The following PPP1R14C variants were observed in gnomAD, a reference collection of about 807,000 sequenced individuals.
The protein encoded by PPP1R14C is protein phosphatase 1 regulatory inhibitor subunit 14C, also known as protein phosphatase 1 regulatory subunit 14C.
Under a neutral mutation model 20.4 loss-of-function variants are expected in PPP1R14C, and 16 were observed. The observed-to-expected ratio is 0.78, with a 90% CI of 0.53 to 1.19. The LOEUF (loss-of-function observed/expected upper bound fraction) is 1.19. Ranked by LOEUF, PPP1R14C falls within the 50% of genes most tolerant of loss-of-function variation. The pLI, the probability that PPP1R14C is intolerant of heterozygous loss-of-function variation, is 0.00. For synonymous variants in PPP1R14C, 91 were observed against 91.0 expected (o/e 1.00, Z 0.00); for missense variants, 211 against 220.1 (o/e 0.96, Z 0.26).
Position 150,185,324 on chromosome 6 carries a change from G to A in PPP1R14C, c.307-29420G>A, listed in dbSNP as rs1777665145. Among the ~76,000 whole-genome samples, 1 of 152,164 alleles carries A rather than the reference G, an allele frequency of 6.6e-6. No individual in the cohort carries two copies. The highest frequency in any genetic ancestry group is 1.5e-5 in the Non-Finnish European group (1 of 68,040). ...CAGTAGTCAGCCTGACACCGACCAT[G>A]TCTCATGAAAGTCACACAGACCTGC... On this transcript the variant is annotated intron_variant, in intron 1 of 3. Coordinates refer to ENST00000361131, the MANE Select transcript of PPP1R14C (RefSeq NM_030949.3). This position sits in a 1 kb window ranked among gnomAD's most constrained non-coding sequence, Gnocchi z 4.1.
chr6:150,238,926 G>A (rs1314524846), intron 3 of PPP1R14C, among the ~76,000 whole-genome samples: 1 of 152,144 alleles, frequency 6.6e-6, no homozygotes, highest in Non-Finnish European at 1.5e-5. Flanking sequence ...ACATAGAGGA[G>A]GCCTTCAATC....
intron 3 of PPP1R14C, among the ~76,000 whole-genome samples, chr6:150,226,150 G>A (rs987454488): frequency 6.6e-6 from 1 of 152,036 alleles, no homozygotes; most frequent in African/African-American, 2.4e-5. Flanking sequence ...GCGGACTCTT[G>A]TCATGTAAAT....
At chr6:150,220,121 C>G (rs1778148682) in intron 3 of PPP1R14C, among the ~76,000 whole-genome samples, 1 of 152,164 alleles carries the variant, frequency 6.6e-6, no homozygotes. Flanking sequence ...TTCCAAAGTG[C>G]TGGGATTATA....
intron 1 of PPP1R14C, among the ~76,000 whole-genome samples, chr6:150,199,985 A>G (rs1187065047): frequency 1.3e-5 from 2 of 152,214 alleles, no homozygotes; most frequent in East Asian, 3.8e-4. Flanking sequence ...GTGGGGAATA[A>G]ACAACGAGGA....
intron 1 of PPP1R14C, among the ~76,000 whole-genome samples, chr6:150,157,139 T>C (rs1562257173): frequency 6.6e-6 from 1 of 152,242 alleles, no homozygotes; most frequent in African/African-American, 2.4e-5. Flanking sequence ...AGTTAACTAC[T>C]GACACCTTAC....
chr6:150,183,764 C>T (rs1777647660), intron 1 of PPP1R14C, among the ~76,000 whole-genome samples: 1 of 151,992 alleles, frequency 6.6e-6, no homozygotes, highest in Non-Finnish European at 1.5e-5. Flanking sequence ...ACCCAGCCTC[C>T]CAAAATGCTG....
chr6:150,240,865 C>G (rs1778424161), intron 3 of PPP1R14C, among the ~76,000 whole-genome samples: 1 of 152,250 alleles, frequency 6.6e-6, no homozygotes, highest in Non-Finnish European at 1.5e-5. Flanking sequence ...CATATTTGCT[C>G]TCTGCTCCAG....
chr6:150,182,025 A>G (rs776309468), intron 1 of PPP1R14C, among the ~76,000 whole-genome samples: 1 of 152,222 alleles, frequency 6.6e-6, no homozygotes, highest in Non-Finnish European at 1.5e-5. Flanking sequence ...CCAAATTTCA[A>G]ATTGACTATA....
intron 1 of PPP1R14C, among the ~76,000 whole-genome samples, chr6:150,176,421 T>C (rs540819217): frequency 6.6e-6 from 1 of 152,354 alleles, no homozygotes; most frequent in African/African-American, 2.4e-5. Flanking sequence ...GCCTTTAGGA[T>C]TAGGCTGAAC....
chr6:150,246,142 A>G (rs1213245015), intron 3 of PPP1R14C, among the ~76,000 whole-genome samples: 1 of 152,192 alleles, frequency 6.6e-6, no homozygotes, highest in Non-Finnish European at 1.5e-5. Context: ...CAATTATCCA[A>G]ATTTAAATTT....
At chr6:150,162,937 A>G (rs781662114) in intron 1 of PPP1R14C, among the ~76,000 whole-genome samples, 1 of 152,212 alleles carries the variant, frequency 6.6e-6, no homozygotes, top group Admixed American at 6.5e-5. Flanking sequence ...CTGAGCCTGC[A>G]TGATGAGAGA....
At chr6:150,186,243 C>T (rs1394683970) in intron 1 of PPP1R14C, among the ~76,000 whole-genome samples, 3 of 152,130 alleles carry the variant, frequency 2.0e-5, no homozygotes, top group Non-Finnish European at 2.9e-5. Flanking sequence ...AGCAAACAGG[C>T]GGTTCCTCTA....
intron 2 of PPP1R14C, among the ~76,000 whole-genome samples, chr6:150,215,664 A>G (rs1778082571): frequency 6.6e-6 from 1 of 152,232 alleles, no homozygotes; most frequent in Non-Finnish European, 1.5e-5. Flanking sequence ...TAGCTGGGAG[A>G]CAATAGCATC....
At chr6:150,169,050 G>C (rs1050749755) in intron 1 of PPP1R14C, among the ~76,000 whole-genome samples, 2 of 152,086 alleles carry the variant, frequency 1.3e-5, no homozygotes, top group African/African-American at 4.8e-5. Flanking sequence ...CTAATTTTTT[G>C]TACTTTAGTA....
chr6:150,160,031 ATGATTAGAC>A (rs1427304335), intron 1 of PPP1R14C, among the ~76,000 whole-genome samples: 2 of 152,072 alleles, frequency 1.3e-5, no homozygotes, highest in African/African-American at 4.8e-5. Flanking sequence ...TGTTTTTCTC[ATGATTAGAC>A]TGCGTTTATG....
intron 3 of PPP1R14C, among the ~76,000 whole-genome samples, chr6:150,236,652 T>TGTGTGTGTGTGTGTG (rs1163806438): frequency 1.3e-5 from 2 of 149,978 alleles, no homozygotes; most frequent in Non-Finnish European, 2.9e-5. Flanking sequence ...CGTGTGTGTG[T>TGTGTGTGTGTGTGTG]TTAGCCAGGA....
intron 1 of PPP1R14C, among the ~76,000 whole-genome samples, chr6:150,172,090 G>A (rs1317459992): frequency 6.6e-6 from 1 of 152,180 alleles, no homozygotes; most frequent in Non-Finnish European, 1.5e-5. Context: ...TTACAGGTGT[G>A]AGCCACTGCA....
At chr6:150,218,858 C>A (rs1778131696) in intron 3 of PPP1R14C, among the ~76,000 whole-genome samples, 3 of 152,140 alleles carry the variant, frequency 2.0e-5, no homozygotes, top group Non-Finnish European at 4.4e-5. Context: ...CACTATGTTG[C>A]CCAGACTTGT....
chr6:150,204,820 G>C (rs1315944554), intron 1 of PPP1R14C, among the ~76,000 whole-genome samples: 1 of 152,202 alleles, frequency 6.6e-6, no homozygotes. Flanking sequence ...TCTGTGCTGA[G>C]AAGCAGGGCA....
Sources: allele counts gnomAD v4.1 joint callset (sites outside exome capture counted in the v4.1 genomes callset), GRCh38; gene constraint gnomAD v4.1.1; non-coding constraint Gnocchi (gnomAD v3.1); transcripts MANE v1.5; gene names NCBI Gene and HGNC (gene_info 2026-07-23, HGNC 2026-07-21).